The following SEC13 variants were observed in gnomAD, a reference collection of about 807,000 sequenced individuals.
SEC13 encodes protein SEC13 homolog.
In SEC13, 25 loss-of-function variants were observed where a neutral mutation model predicts 49.2. That is an observed-to-expected ratio of 0.51 (90% confidence interval 0.37 to 0.71). SEC13 has a LOEUF of 0.71. Among genes scored for constraint, SEC13 ranks in the 30% least tolerant of loss-of-function variants. SEC13 has a pLI of 0.00. For synonymous variants in SEC13, 148 were observed against 163.9 expected, an observed-to-expected ratio of 0.90 and a Z score of 0.74; for missense variants, 383 against 417.6, an observed-to-expected ratio of 0.92 and a Z score of 0.72.
At chr3:10,303,298 A>G (rs1700657478) in intron 8 of SEC13, among the ~76,000 whole-genome samples, 1 of 152,260 alleles carries the variant, frequency 6.6e-6, no homozygotes, top group African/African-American at 2.4e-5. Context: ...AACGCAGCAC[A>G]GCCACTCCAC....
intron 5 of SEC13, 64 bp from the exon 6 acceptor site, chr3:10,305,756 C>G (rs1574866779): frequency 1.9e-6 from 3 of 1,579,824 alleles, no homozygotes; most frequent in Non-Finnish European, 2.6e-6. Flanking sequence ...CAGACCCAAG[C>G]CTGCTGTCCC....
At chr3:10,305,282 T>C in intron 6 of SEC13, 126 bp from the exon 7 acceptor site, 1 of 1,390,390 alleles carries the variant, frequency 7.2e-7, no homozygotes. Context: ...TCATGGAGTT[T>C]GTGGCATTTT....
rs762743820 is a variant in SEC13 at position 10,312,105 on chromosome 3, G to A, written c.317-7C>T. The A allele has an allele frequency of 5.7e-6, 9 of 1,588,370 alleles. No individual in the cohort carries two copies. Among genetic ancestry groups the A allele is most frequent in the African/African-American group, 1.3e-5 (1 of 74,374 alleles). On this transcript the variant is annotated splice_polypyrimidine_tract_variant and splice_region_variant and intron_variant, in intron 4 of 8. Coordinates refer to ENST00000350697, the MANE Select transcript of SEC13 (RefSeq NM_183352.3). ...GCCCAGCACACCGAGTTCACTGCGGGAAGAGGGAGAGTGCAGTGAGCAAAG... is the reference window on the plus strand; with the variant it reads ...GCCCAGCACACCGAGTTCACTGCGGAAAGAGGGAGAGTGCAGTGAGCAAAG...
At chr3:10,318,473 C>T (rs778915748) in intron 1 of SEC13, among the ~76,000 whole-genome samples, 3 of 151,406 alleles carry the variant, frequency 2.0e-5, no homozygotes, top group Non-Finnish European at 2.9e-5. Flanking sequence ...AGGGAATACA[C>T]GAGTAGAGAC....
chr3:10,318,884 T>C (rs2059711430), intron 1 of SEC13, among the ~76,000 whole-genome samples: 1 of 152,234 alleles, frequency 6.6e-6, no homozygotes, highest in Admixed American at 6.5e-5. Flanking sequence ...TACAACACTT[T>C]ATGCTGTTTC....
intron 5 of SEC13, among the ~76,000 whole-genome samples, chr3:10,307,017 A>G (rs1430102353): frequency 6.6e-6 from 1 of 152,110 alleles, no homozygotes; most frequent in Admixed American, 6.6e-5. Flanking sequence ...TCACTTTCCA[A>G]AGATGACTGA....
chr3:10,313,335 T>C (rs1701401290), intron 3 of SEC13: 1 of 464,636 alleles, frequency 2.2e-6, no homozygotes, highest in Non-Finnish European at 4.6e-6. Context: ...ACCTTAGCAC[T>C]CAAGAGGTAG....
chr3:10,308,412 T>G (rs28566029), intron 5 of SEC13, among the ~76,000 whole-genome samples: 258 of 152,376 alleles, frequency 1.7e-3, no homozygotes, highest in African/African-American at 6.0e-3. Flanking sequence ...TTGCAGTCAT[T>G]TCTTTTTATT....
At chr3:10,304,922 G>A (rs1483640145) in intron 7 of SEC13, 111 bp downstream of exon 7, 1 of 1,516,324 alleles carries the variant, frequency 6.6e-7, no homozygotes, top group East Asian at 2.3e-5. Flanking sequence ...GGCCAAAGGT[G>A]CCTGTTGCTC....
At chr3:10,312,198 C>T in intron 4 of SEC13, 100 bp from the exon 5 acceptor site, 3 of 1,472,590 alleles carry the variant, frequency 2.0e-6, no homozygotes, top group African/African-American at 1.4e-5. Context: ...CTACAACAAA[C>T]AACTGTAGGA....
At chr3:10,315,002 G>C (rs1230562367) in intron 3 of SEC13, 1 of 271,956 alleles carries the variant, frequency 3.7e-6, no homozygotes, top group Non-Finnish European at 7.1e-6. Flanking sequence ...ATAGGAGGTA[G>C]CATTGGCCCA....
intron 5 of SEC13, among the ~76,000 whole-genome samples, chr3:10,306,635 T>C (rs1013475014): frequency 4.6e-5 from 7 of 152,180 alleles, no homozygotes; most frequent in South Asian, 2.1e-4. Context: ...TCAAATCTCA[T>C]CTTGAATTCC....
intron 2 of SEC13, among the ~76,000 whole-genome samples, chr3:10,316,150 G>A (rs149402264): frequency 9.2e-5 from 14 of 152,280 alleles, no homozygotes; most frequent in African/African-American, 2.6e-4. Flanking sequence ...AACTAGGCCT[G>A]GCCCCTACCT....
chr3:10,317,534 T>C (rs1574892682), intron 2 of SEC13, among the ~76,000 whole-genome samples: 2 of 152,100 alleles, frequency 1.3e-5, no homozygotes, highest in Admixed American at 1.3e-4. Flanking sequence ...GGAAATGCCC[T>C]GAGTGTGGAC....
At chr3:10,311,532 T>C (rs1701254641) in intron 5 of SEC13, 1 of 495,530 alleles carries the variant, frequency 2.0e-6, no homozygotes, top group African/African-American at 2.1e-5. Context: ...TCACGACCAC[T>C]GTCACTCGCT....
intron 8 of SEC13, among the ~76,000 whole-genome samples, chr3:10,302,099 A>T (rs1377734905): frequency 6.6e-6 from 1 of 152,096 alleles, no homozygotes; most frequent in Non-Finnish European, 1.5e-5. Context: ...ACACAAAAAA[A>T]CTAGCAGCCA....
Position 10,312,595 on chromosome 3 carries a change from C to T in SEC13, c.300G>A (p.Ala100=), listed in dbSNP as rs115961173. ...NGTWEKSHEH[A]GHDSSVNSVC... is the part of the protein sequence containing the mutation. Reference sequence around the variant, plus strand: ...TCAGCATACCTGAGGAGTCGTGTCCCGCATGCTCGTGGCTCTTCTCCCAGG... The same window carrying T: ...TCAGCATACCTGAGGAGTCGTGTCCTGCATGCTCGTGGCTCTTCTCCCAGG... Residue 100 remains alanine, a synonymous_variant, in exon 4 of 9, where the codon GCG becomes GCA. Transcript: ENST00000350697. The T allele has an allele frequency of 1.6e-3, 2,507 of 1,614,140 alleles. 45 individuals are homozygous for T. The African/African-American group carries it at 0.029, about 19-fold the overall frequency.
At chr3:10,312,538 C>A in intron 4 of SEC13, 41 bp downstream of exon 4, 1 of 1,606,254 alleles carries the variant, frequency 6.2e-7, no homozygotes, top group South Asian at 1.1e-5. Context: ...CTTTTTTACC[C>A]AGTGGTCCCC....
chr3:10,309,252 G>A (rs1212020875), intron 5 of SEC13, among the ~76,000 whole-genome samples: 1 of 151,338 alleles, frequency 6.6e-6, no homozygotes, highest in Admixed American at 6.6e-5. Flanking sequence ...TGTTAAGTGT[G>A]GGGTATGATC....
Sources: allele counts gnomAD v4.1 joint callset (sites outside exome capture counted in the v4.1 genomes callset), GRCh38; gene constraint gnomAD v4.1.1; transcripts MANE v1.5; gene names NCBI Gene and HGNC (gene_info 2026-07-23, HGNC 2026-07-21).